Variants in SLC44A1 observed in about 807,000 individuals in gnomAD.
SLC44A1 encodes the protein choline transporter-like protein 1.
Under a neutral mutation model 79.3 loss-of-function variants are expected in SLC44A1, and 26 were observed. The observed-to-expected ratio is 0.33, with a 90% CI of 0.24 to 0.46. SLC44A1 has a LOEUF of 0.46. Among genes scored for constraint, SLC44A1 ranks in the 20% least tolerant of loss-of-function variants. The pLI is 1.00. For synonymous variants in SLC44A1, 263 were observed against 286.2 expected (o/e 0.92, Z 0.82); for missense variants, 688 against 798.1 (o/e 0.86, Z 1.66).
intron 15 of SLC44A1, among the ~76,000 whole-genome samples, chr9:105,426,451 C>T (rs1312126235): frequency 1.3e-5 from 2 of 152,188 alleles, no homozygotes; most frequent in Non-Finnish European, 2.9e-5. Flanking sequence ...TCTTTGCCCA[C>T]ACATTTTTGG....
chr9:105,340,172 A>G (rs183318101), intron 4 of SLC44A1, among the ~76,000 whole-genome samples: 2 of 152,356 alleles, frequency 1.3e-5, no homozygotes, highest in Admixed American at 1.3e-4. Context: ...AATGGTTAAG[A>G]CAGTCAATTA....
chr9:105,392,397 CTCTCTCTTTTTT>C lies in SLC44A1; in HGVS notation c.*3343_*3354del. The C allele has an allele frequency of 1.0e-4, 91 of 874,448 alleles. No homozygotes were observed. Among genetic ancestry groups the C allele is most frequent in the East Asian group, 1.6e-4 (1 of 6,256 alleles). The allele number at this position is 874,448 out of a possible 1,614,324, so 54.2% of individuals were successfully genotyped here. ...TCTTTTGTAGAGATGCTCTCTCTCT[CTCTCTCTTTTTT>C]TTTTTTTTTTTTTTTTTTTTTCCGT... On this transcript the variant is annotated 3_prime_UTR_variant, in exon 16 of 16. Coordinates refer to ENST00000374720, the MANE Select transcript of SLC44A1 (RefSeq NM_080546.5).
intron 15 of SLC44A1, among the ~76,000 whole-genome samples, chr9:105,426,449 C>T (rs939898323): frequency 6.6e-6 from 1 of 152,142 alleles, no homozygotes; most frequent in Non-Finnish European, 1.5e-5. Flanking sequence ...GGTCTTTGCC[C>T]ACACATTTTT....
chr9:105,401,523 G>T (rs1443010337), downstream of SLC44A1, among the ~76,000 whole-genome samples: 2 of 151,742 alleles, frequency 1.3e-5, no homozygotes, highest in Admixed American at 6.5e-5. Flanking sequence ...AAATCTAAAT[G>T]GATTTAGGAT....
chr9:105,320,508 G>T (rs1160931836), intron 3 of SLC44A1, among the ~76,000 whole-genome samples: 1 of 151,964 alleles, frequency 6.6e-6, no homozygotes, highest in African/African-American at 2.4e-5. Flanking sequence ...TAGTAGGAGG[G>T]TTATATTTGC....
intron 10 of SLC44A1, 29 bp downstream of exon 10, chr9:105,364,749 G>T (rs561216950): frequency 2.5e-6 from 4 of 1,585,820 alleles, no homozygotes; most frequent in Non-Finnish European, 2.6e-6. Context: ...TAGAAAACTC[G>T]AGTTCATCTA....
chr9:105,376,797 G>GA (rs2131448814), intron 13 of SLC44A1, among the ~76,000 whole-genome samples: 1 of 152,338 alleles, frequency 6.6e-6, no homozygotes, highest in East Asian at 1.9e-4. Flanking sequence ...GGCAATGAGT[G>GA]AAGGGCTTTT....
intron 1 of SLC44A1, among the ~76,000 whole-genome samples, chr9:105,264,456 C>T (rs371519942): frequency 1.2e-4 from 19 of 152,292 alleles, no homozygotes; most frequent in Non-Finnish European, 2.2e-4. Flanking sequence ...CGTGAGCCCT[C>T]GCACCCTGCC....
chr9:105,392,403 C>CTTTTTTTT lies in SLC44A1; in HGVS notation c.*3367_*3374dup, dbSNP rs57226567. 5 of 610,900 alleles carry CTTTTTTTT rather than the reference C, an allele frequency of 8.2e-6. No individual in the cohort carries two copies. The highest frequency in any genetic ancestry group is 9.3e-6 in the Non-Finnish European group (5 of 536,352). The allele number at this position is 610,900 out of a possible 1,614,324, so 37.8% of individuals were successfully genotyped here. On this transcript the variant is annotated 3_prime_UTR_variant, in exon 16 of 16. Transcript: ENST00000374720. ...GTAGAGATGCTCTCTCTCTCTCTCT[C>CTTTTTTTT]TTTTTTTTTTTTTTTTTTTTTTTTT...
chr9:105,432,585 A>G (rs1341543727), intron 15 of SLC44A1, among the ~76,000 whole-genome samples: 6 of 152,248 alleles, frequency 3.9e-5, no homozygotes, highest in Non-Finnish European at 7.3e-5. Flanking sequence ...ATGGTCTGCC[A>G]TAACAATCCA....
chr9:105,321,982 A>G, intron 3 of SLC44A1, among the ~76,000 whole-genome samples: 1 of 152,208 alleles, frequency 6.6e-6, no homozygotes, highest in East Asian at 1.9e-4. Context: ...AGAGTAAAGG[A>G]TCAGGGAAGA....
intron 4 of SLC44A1, among the ~76,000 whole-genome samples, chr9:105,339,939 T>A (rs1827035431): frequency 6.6e-6 from 1 of 152,194 alleles, no homozygotes; most frequent in Non-Finnish European, 1.5e-5. Context: ...GCATGAAAAT[T>A]GAGGACACTA....
intron 1 of SLC44A1, among the ~76,000 whole-genome samples, chr9:105,257,154 T>C (rs1296201569): frequency 1.3e-5 from 2 of 151,742 alleles, no homozygotes; most frequent in Non-Finnish European, 2.9e-5. Flanking sequence ...TGGAGTACAG[T>C]GGCATGATCT....
intron 5 of SLC44A1, among the ~76,000 whole-genome samples, chr9:105,351,599 A>AGAAAGAGC (rs1554797109): frequency 9.8e-6 from 1 of 101,706 alleles, no homozygotes; most frequent in African/African-American, 4.4e-5. Context: ...AGAGAAAGAG[A>AGAAAGAGC]AAGAAAGAAA....
Position 105,393,849 on chromosome 9 carries a change from G to C in SLC44A1, c.*4793G>C. On this transcript the variant is annotated 3_prime_UTR_variant, in exon 16 of 16. Coordinates refer to ENST00000374720, the MANE Select transcript of SLC44A1 (RefSeq NM_080546.5). ...TTACAACTTAAATGATTTTCTCCAG[G>C]ACACGGAGCTCAGAATAATAAAGCT... 2.0e-6 allele frequency: 2 copies of C among 984,878 alleles called. No individual in the cohort carries two copies. Among genetic ancestry groups the C allele is most frequent in the Non-Finnish European group, 2.4e-6 (2 of 829,450 alleles). The allele number at this position is 984,878 out of a possible 1,614,324, so 61.0% of individuals were successfully genotyped here.
At chr9:105,360,486 G>A (rs1349843508) in intron 7 of SLC44A1, among the ~76,000 whole-genome samples, 1 of 152,078 alleles carries the variant, frequency 6.6e-6, no homozygotes, top group Non-Finnish European at 1.5e-5. Flanking sequence ...AGAACAATAG[G>A]TGCTGTAGCA....
chr9:105,416,829 C>T (rs971373951), intron 15 of SLC44A1, among the ~76,000 whole-genome samples: 1 of 152,070 alleles, frequency 6.6e-6, no homozygotes, highest in Non-Finnish European at 1.5e-5. Context: ...GTTGTTTGTC[C>T]CACTTGACTA....
At chr9:105,255,278 G>C (rs1222138735) in intron 1 of SLC44A1, among the ~76,000 whole-genome samples, 1 of 151,840 alleles carries the variant, frequency 6.6e-6, no homozygotes, top group African/African-American at 2.4e-5. Flanking sequence ...AAGCATAGAG[G>C]CATCCTTTCA....
chr9:105,372,010 G>GA (rs1001814472), intron 12 of SLC44A1, among the ~76,000 whole-genome samples: 27 of 151,820 alleles, frequency 1.8e-4, no homozygotes, highest in Middle Eastern at 3.4e-3. Flanking sequence ...GTAGAAGATG[G>GA]AAAAAAAACA....
Sources: allele counts gnomAD v4.1 joint callset (sites outside exome capture counted in the v4.1 genomes callset), GRCh38; gene constraint gnomAD v4.1.1; transcripts MANE v1.5; gene names NCBI Gene and HGNC (gene_info 2026-07-23, HGNC 2026-07-21).